SPMIP2: variants seen among roughly 807,000 people sequenced by gnomAD.
The protein encoded by SPMIP2 is protein SPMIP2.
chr4:158,993,450 C>G, the SPMIP2 span, among the ~76,000 whole-genome samples: 1 of 151,890 alleles, frequency 6.6e-6, no homozygotes, highest in African/African-American at 2.4e-5. Flanking sequence ...ATCCCTGAAG[C>G]AAATGTGTCT....
At chr4:159,035,283 A>C in the SPMIP2 span, 1 of 549,520 alleles carries the variant, frequency 1.8e-6, no homozygotes, top group East Asian at 2.9e-5. Context: ...TCTGCATTCC[A>C]ATCTCCAAGA....
the SPMIP2 span, among the ~76,000 whole-genome samples, chr4:159,068,148 T>C: frequency 6.6e-6 from 1 of 152,152 alleles, no homozygotes; most frequent in Non-Finnish European, 1.5e-5. Flanking sequence ...GACCCAGCCA[T>C]CCCATTACTG....
chr4:158,915,261 GA>G, the SPMIP2 span: 2 of 1,613,614 alleles, frequency 1.2e-6, no homozygotes, highest in Non-Finnish European at 8.5e-7. Flanking sequence ...AGCCCATTTG[GA>G]ATTTCTCTGA....
chr4:158,906,825 G>A, the SPMIP2 span: 1 of 151,924 alleles, frequency 6.6e-6, no homozygotes, highest in African/African-American at 2.4e-5. Context: ...AAACCTCACA[G>A]AATTGTGTTG....
chr4:158,981,146 A>G, the SPMIP2 span, among the ~76,000 whole-genome samples: 1 of 152,312 alleles, frequency 6.6e-6, no homozygotes, highest in South Asian at 2.1e-4. Flanking sequence ...CATGAAGACA[A>G]GATTAGAGAA....
At chr4:158,905,799 CTT>C in the SPMIP2 span, 26 of 151,508 alleles carry the variant, frequency 1.7e-4, no homozygotes, top group African/African-American at 5.6e-4. Flanking sequence ...AAGTAAAAGA[CTT>C]TTAAATATTG....
At chr4:159,008,934 T>C in the SPMIP2 span, among the ~76,000 whole-genome samples, 2 of 152,210 alleles carry the variant, frequency 1.3e-5, no homozygotes, top group Non-Finnish European at 2.9e-5. Context: ...TTGAGAAACA[T>C]TGTATTAGAC....
the SPMIP2 span, chr4:158,915,471 CATGTGGCTTAGGA>C: frequency 1.0e-6 from 1 of 984,886 alleles, no homozygotes; most frequent in Non-Finnish European, 1.5e-6. Flanking sequence ...TGATTCTAGC[CATGTGGCTTAGGA>C]AAGCTGAAGA....
At chr4:159,040,341 T>G in the SPMIP2 span, among the ~76,000 whole-genome samples, 1 of 151,620 alleles carries the variant, frequency 6.6e-6, no homozygotes, top group Non-Finnish European at 1.5e-5. Flanking sequence ...CTGGCTAATT[T>G]TTTGCATTTT....
chr4:158,977,387 G>A, the SPMIP2 span, among the ~76,000 whole-genome samples: 1 of 152,154 alleles, frequency 6.6e-6, no homozygotes, highest in Non-Finnish European at 1.5e-5. Context: ...GCATAGAGGT[G>A]TTTACAGTAT....
the SPMIP2 span, among the ~76,000 whole-genome samples, chr4:159,081,038 C>CTTT: frequency 3.0e-4 from 36 of 118,408 alleles, no homozygotes; most frequent in African/African-American, 1.1e-3. Context: ...GTTTCTTTCT[C>CTTT]TTTTTTTTTT....
the SPMIP2 span, among the ~76,000 whole-genome samples, chr4:158,921,441 CAAA>C: frequency 6.6e-6 from 1 of 151,012 alleles, no homozygotes; most frequent in Admixed American, 6.6e-5. Flanking sequence ...GATTCCATCT[CAAA>C]ATTTAAAAAA....
chr4:158,898,580 A>G, the SPMIP2 span, among the ~76,000 whole-genome samples: 1 of 152,042 alleles, frequency 6.6e-6, no homozygotes, highest in African/African-American at 2.4e-5. Flanking sequence ...ATTACTAGGT[A>G]TTTTATTCTC....
the SPMIP2 span, among the ~76,000 whole-genome samples, chr4:158,903,631 C>T: frequency 2.6e-5 from 4 of 152,242 alleles, no homozygotes; most frequent in South Asian, 2.1e-4. Flanking sequence ...TAGTCAGGGC[C>T]AGTAGCACTA....
chr4:158,899,493 G>T, the SPMIP2 span, among the ~76,000 whole-genome samples: 1 of 152,122 alleles, frequency 6.6e-6, no homozygotes, highest in Non-Finnish European at 1.5e-5. Flanking sequence ...ACATTTTTTG[G>T]TTGGTAGGCT....
the SPMIP2 span, among the ~76,000 whole-genome samples, chr4:158,944,219 C>T: frequency 1.3e-5 from 2 of 152,072 alleles, no homozygotes; most frequent in Admixed American, 1.3e-4. Flanking sequence ...CACTTCACCT[C>T]CCATTCATAC....
At chr4:158,908,242 C>T in the SPMIP2 span, among the ~76,000 whole-genome samples, 2 of 152,048 alleles carry the variant, frequency 1.3e-5, no homozygotes, top group African/African-American at 4.8e-5. Context: ...GCTGGGGGCT[C>T]AGATGATAGG....
chr4:159,006,544 C>T, the SPMIP2 span, among the ~76,000 whole-genome samples: 2 of 152,294 alleles, frequency 1.3e-5, no homozygotes, highest in East Asian at 3.9e-4. Flanking sequence ...TACATGCTGA[C>T]AGCCAAGTTT....
At chr4:158,897,874 T>TA in the SPMIP2 span, among the ~76,000 whole-genome samples, 1 of 152,256 alleles carries the variant, frequency 6.6e-6, no homozygotes, top group South Asian at 2.1e-4. Context: ...TGGCTTTTGT[T>TA]ACCATTGCTT....
Sources: gnomAD v4.1 joint callset for allele counts (sites outside exome capture counted in the v4.1 genomes callset) on GRCh38, gnomAD v4.1.1 for gene constraint, MANE v1.5 for transcripts, NCBI Gene and HGNC (gene_info 2026-07-23, HGNC 2026-07-21) for gene names.